FGF12: variants seen among roughly 807,000 people sequenced by gnomAD.
FGF12 encodes the protein fibroblast growth factor 12, also known as fibroblast growth factor 12B.
A neutral mutation model predicts 23.6 loss-of-function variants in FGF12; 14 were observed. That is an observed-to-expected ratio of 0.59 (90% CI 0.39 to 0.93). The LOEUF is 0.93. Ranked by LOEUF, FGF12 falls within the 40% of genes least tolerant of loss-of-function variation. The probability of loss-of-function intolerance (pLI) is 0.00; values close to 1 mark genes in which losing one functional copy is unlikely to be tolerated. For synonymous variants in FGF12, 62 were observed against 77.3 expected (o/e 0.80, Z 1.04); for missense variants, 175 against 217.8 (o/e 0.80, Z 1.24).
intron 4 of FGF12, among the ~76,000 whole-genome samples, chr3:192,174,644 A>C (rs564668346): frequency 7.4e-4 from 112 of 152,078 alleles, no homozygotes; most frequent in African/African-American, 2.6e-3. Flanking sequence ...GTGCAGTTTC[A>C]GTTTCAATAT....
At chr3:192,474,873 G>A (rs1170658538) in intron 2 of FGF12, among the ~76,000 whole-genome samples, 15 of 129,138 alleles carry the variant, frequency 1.2e-4, no homozygotes, top group South Asian at 2.4e-4. Flanking sequence ...AAACAAGAGT[G>A]AAACTTCATC....
intron 2 of FGF12, among the ~76,000 whole-genome samples, chr3:192,569,035 C>A (rs1018790266): frequency 3.3e-5 from 5 of 152,074 alleles, no homozygotes; most frequent in Non-Finnish European, 7.4e-5. Flanking sequence ...ACAGTACATG[C>A]GGAATAATCA....
chr3:192,395,367 A>T (rs937934664), intron 2 of FGF12, among the ~76,000 whole-genome samples: 6 of 152,230 alleles, frequency 3.9e-5, no homozygotes, highest in African/African-American at 1.4e-4. Flanking sequence ...TTTATCAAAC[A>T]ACTACATATC....
chr3:192,382,200 G>A (rs372011017), intron 2 of FGF12, among the ~76,000 whole-genome samples: 1 of 152,076 alleles, frequency 6.6e-6, no homozygotes, highest in Admixed American at 6.5e-5. Context: ...GTTTCCCCGT[G>A]TTAGCCAGGA....
intron 2 of FGF12, among the ~76,000 whole-genome samples, chr3:192,382,179 G>A (rs188826094): frequency 6.4e-4 from 97 of 152,022 alleles, no homozygotes; most frequent in African/African-American, 2.2e-3. Flanking sequence ...TGTATTTTTC[G>A]TAGAGAAGTG....
intron 4 of FGF12, among the ~76,000 whole-genome samples, chr3:192,218,786 G>C (rs1304541339): frequency 6.6e-6 from 1 of 152,206 alleles, no homozygotes; most frequent in African/African-American, 2.4e-5. Context: ...AAGAGGAAGA[G>C]CATTTTAAAA....
rs959282536 is a variant in FGF12 at position 192,717,872 on chromosome 3, G to A, written c.13+9309C>T. 2.1e-4 allele frequency among the ~76,000 whole-genome samples: 32 copies of A among 151,756 alleles called. No individual in the cohort carries two copies. The South Asian group carries it at 3.7e-3, about 18-fold the overall frequency. The stretch of plus-strand genomic sequence containing the variant: ...GATATTTCCCTTTCTTTTATTCTTC[G>A]CATAATCAAGAAATTCAGTTTATTA... On this transcript the variant is annotated intron_variant, in intron 2 of 5. Transcript: ENST00000445105.
At chr3:192,441,366 G>A (rs1355423816) in intron 2 of FGF12, among the ~76,000 whole-genome samples, 3 of 152,246 alleles carry the variant, frequency 2.0e-5, no homozygotes, top group Admixed American at 1.3e-4. Flanking sequence ...TATTAGTTAG[G>A]TAGTCATGAA....
At position 192,248,395 on chromosome 3, in the gene FGF12, G is replaced by A. The variant is rs549793471; in HGVS notation, c.229-77739C>T. ...ACATCTTCAAGTTATCTGAATTTAA[G>A]AAGTATCACTATTCATGTTGCACAA... is the stretch of plus-strand genomic sequence containing the variant. On this transcript the variant is annotated intron_variant, in intron 4 of 5. Coordinates refer to ENST00000445105, the MANE Select transcript of FGF12 (RefSeq NM_004113.6). Among the ~76,000 whole-genome samples the A allele has an allele frequency of 5.3e-5, 8 of 152,266 alleles. No individual in the cohort carries two copies. In the South Asian group the frequency reaches 1.7e-3, roughly 32 times the overall value.
chr3:192,276,852 G>T (rs968450756), intron 4 of FGF12, among the ~76,000 whole-genome samples: 5 of 152,262 alleles, frequency 3.3e-5, no homozygotes, highest in African/African-American at 1.2e-4. Context: ...ACACTCAGAA[G>T]AAAGGAATAC....
chr3:192,664,136 C>T (rs1265461505), intron 2 of FGF12, among the ~76,000 whole-genome samples: 1 of 152,216 alleles, frequency 6.6e-6, no homozygotes, highest in African/African-American at 2.4e-5. Flanking sequence ...ATGTGGTCCT[C>T]GTTGTAATAT....
At chr3:192,386,380 T>C (rs374427284) in intron 2 of FGF12, among the ~76,000 whole-genome samples, 2 of 152,194 alleles carry the variant, frequency 1.3e-5, no homozygotes, top group African/African-American at 2.4e-5. Flanking sequence ...TTGCAGAAAT[T>C]ATTAAGTCTC....
At chr3:192,304,382 A>G (rs1045681693) in intron 4 of FGF12, among the ~76,000 whole-genome samples, 8 of 152,162 alleles carry the variant, frequency 5.3e-5, no homozygotes, top group Non-Finnish European at 4.4e-5. Flanking sequence ...TGCTCTACAT[A>G]TAACTAAAAA....
At chr3:192,241,245 G>T (rs1328248084) in intron 4 of FGF12, among the ~76,000 whole-genome samples, 1 of 152,130 alleles carries the variant, frequency 6.6e-6, no homozygotes, top group African/African-American at 2.4e-5. Context: ...GTTGAACAAT[G>T]ATTTAAACAT....
chr3:192,591,772 G>C (rs1396690965), intron 2 of FGF12, among the ~76,000 whole-genome samples: 1 of 151,946 alleles, frequency 6.6e-6, no homozygotes, highest in Non-Finnish European at 1.5e-5. Context: ...TAAAGGAACT[G>C]TAATTATTTT....
chr3:192,518,685 G>C (rs958404400), intron 2 of FGF12, among the ~76,000 whole-genome samples: 1 of 152,014 alleles, frequency 6.6e-6, no homozygotes, highest in Non-Finnish European at 1.5e-5. Flanking sequence ...AAATCAGTAC[G>C]ATATCTAACA....
intron 2 of FGF12, among the ~76,000 whole-genome samples, chr3:192,384,869 G>C (rs1576934672): frequency 6.6e-6 from 1 of 152,302 alleles, no homozygotes; most frequent in Non-Finnish European, 1.5e-5. Flanking sequence ...TAGGTAGAGA[G>C]AGGGTGAAAA....
intron 2 of FGF12, among the ~76,000 whole-genome samples, chr3:192,509,295 G>A (rs1349044123): frequency 1.3e-5 from 2 of 152,166 alleles, no homozygotes; most frequent in African/African-American, 4.8e-5. Context: ...GAGCCAGATG[G>A]GAGCATTGAG....
At chr3:192,664,278 C>CTGA (rs1716773844) in intron 2 of FGF12, among the ~76,000 whole-genome samples, 1 of 152,110 alleles carries the variant, frequency 6.6e-6, no homozygotes, top group Non-Finnish European at 1.5e-5. Flanking sequence ...GTAGTAGCAA[C>CTGA]TGAGAAGCAT....
Sources: gnomAD v4.1 joint callset for allele counts (sites outside exome capture counted in the v4.1 genomes callset) on GRCh38, gnomAD v4.1.1 for gene constraint, MANE v1.5 for transcripts, NCBI Gene and HGNC (gene_info 2026-07-23, HGNC 2026-07-21) for gene names.